DAB2IP: variants seen among roughly 807,000 people sequenced by gnomAD.
DAB2IP encodes the protein DAB2 interacting protein, also known as disabled homolog 2-interacting protein.
In DAB2IP, 28 loss-of-function variants were observed where a neutral mutation model predicts 107.2. The observed-to-expected ratio is 0.26, with a 90% CI of 0.19 to 0.36. DAB2IP has a LOEUF of 0.36. Among genes scored for constraint, DAB2IP ranks in the 10% least tolerant of loss-of-function variants. DAB2IP has a pLI of 1.00. For synonymous variants in DAB2IP, 755 were observed against 706.4 expected (o/e 1.07, Z -1.09); for missense variants, 1,400 against 1,644.7 (o/e 0.85, Z 2.57).
chr9:121,772,877 C>T lies in DAB2IP; in HGVS notation c.2349C>T (p.Ala783=), dbSNP rs377593194. The stretch of plus-strand genomic sequence containing the variant: ...AGGCCGCTGCAGCTCAGCTGGTGGC[C>T]GGGTGGCCGGCCCGGGCAACCCCAG... Residue 783 remains alanine (A), a synonymous_variant, in exon 12 of 16, where the codon GCC becomes GCT. Coordinates refer to ENST00000408936, the Ensembl canonical transcript of DAB2IP. This position sits in a 1 kb window ranked among gnomAD's most constrained non-coding sequence, Gnocchi z 4.7. 533 of 1,582,584 alleles carry T rather than the reference C, an allele frequency of 3.4e-4. No homozygotes were observed. The highest frequency in any genetic ancestry group is 6.9e-4 in the African/African-American group (51 of 74,346).
intron 1 of DAB2IP, among the ~76,000 whole-genome samples, chr9:121,604,749 T>C (rs1830808854): frequency 6.6e-6 from 1 of 152,232 alleles, no homozygotes. Flanking sequence ...GTCCGCTGCC[T>C]GTCCCCCGTG....
chr9:121,644,462 T>G (rs1016467356), intron 1 of DAB2IP, among the ~76,000 whole-genome samples: 3 of 151,312 alleles, frequency 2.0e-5, no homozygotes, highest in Non-Finnish European at 2.9e-5. Context: ...CCAGGCGTGG[T>G]GACACACGCC....
At chr9:121,584,156 C>A (rs565774254) in intron 1 of DAB2IP, among the ~76,000 whole-genome samples, 2 of 151,972 alleles carry the variant, frequency 1.3e-5, no homozygotes, top group Non-Finnish European at 1.5e-5. Flanking sequence ...CCAGCCTGGG[C>A]GACGGAGTGA....
intron 1 of DAB2IP, among the ~76,000 whole-genome samples, chr9:121,618,064 T>G (rs1450854622): frequency 2.0e-5 from 3 of 152,162 alleles, no homozygotes; most frequent in African/African-American, 7.2e-5. Context: ...GCGCTTTAGG[T>G]ACAAGACAGA....
chr9:121,781,792 C>G (rs545230413), intron 15 of DAB2IP, among the ~76,000 whole-genome samples: 24 of 151,672 alleles, frequency 1.6e-4, no homozygotes, highest in Non-Finnish European at 3.2e-4. Flanking sequence ...TTGTCTTTCA[C>G]CAGGACTGCT....
chr9:121,763,358 G>T, intron 6 of DAB2IP, 147 bp from the exon 7 acceptor site: 1 of 1,174,760 alleles, frequency 8.5e-7, no homozygotes, highest in African/African-American at 1.5e-5. Context: ...CCCCAAAGGT[G>T]GGCACACTGT....
At chr9:121,666,901 CACACACACACACACAA>C (rs761039623) in intron 1 of DAB2IP, among the ~76,000 whole-genome samples, 1,945 of 128,772 alleles carry the variant, frequency 0.015, 25 homozygotes, top group Non-Finnish European at 0.024. Flanking sequence ...CACACACACA[CACACACACACACACAA>C]CACTCTTAAA....
chr9:121,637,943 G>A (rs1242730338), intron 1 of DAB2IP, among the ~76,000 whole-genome samples: 2 of 152,162 alleles, frequency 1.3e-5, no homozygotes, highest in Non-Finnish European at 2.9e-5. Context: ...CATGATGCAC[G>A]AGGCCCAGGG....
At chr9:121,721,128 G>A (rs527788790) in intron 3 of DAB2IP, among the ~76,000 whole-genome samples, 95 of 152,300 alleles carry the variant, frequency 6.2e-4, no homozygotes, top group African/African-American at 2.2e-3. Context: ...AGGCAGGAAG[G>A]TGCCAGGATC....
intron 3 of DAB2IP, among the ~76,000 whole-genome samples, chr9:121,744,043 G>A (rs1164405466): frequency 6.6e-6 from 1 of 152,216 alleles, no homozygotes; most frequent in Non-Finnish European, 1.5e-5. Flanking sequence ...CCCCTGTGGT[G>A]TGCTCCGTTG....
chr9:121,656,842 T>C (rs1832991367), intron 1 of DAB2IP, among the ~76,000 whole-genome samples: 1 of 152,132 alleles, frequency 6.6e-6, no homozygotes. Context: ...GCCACACAGC[T>C]CAGAAATGGT....
intron 3 of DAB2IP, among the ~76,000 whole-genome samples, chr9:121,754,401 G>C (rs1833334286): frequency 6.6e-6 from 1 of 152,228 alleles, no homozygotes; most frequent in Admixed American, 6.5e-5. Context: ...GGAGTAGCCT[G>C]GGAGAGCTTG....
intron 1 of DAB2IP, among the ~76,000 whole-genome samples, chr9:121,625,995 G>A (rs952628966): frequency 1.1e-4 from 17 of 152,194 alleles, no homozygotes; most frequent in Non-Finnish European, 5.9e-5. Flanking sequence ...TGGCATTTGC[G>A]TTTGTGATTC....
chr9:121,779,272 T>G (rs1835426643), intron 14 of DAB2IP, among the ~76,000 whole-genome samples: 1 of 152,262 alleles, frequency 6.6e-6, no homozygotes, highest in African/African-American at 2.4e-5. Flanking sequence ...TGCTTTTACT[T>G]CTGTTTTCTG....
intron 1 of DAB2IP, among the ~76,000 whole-genome samples, chr9:121,584,044 G>C (rs1429733287): frequency 6.6e-6 from 1 of 152,120 alleles, no homozygotes; most frequent in East Asian, 1.9e-4. Flanking sequence ...AGGCGTGGTG[G>C]TGCACGCCTG....
In DAB2IP at chr9:121,716,509, T is replaced by C. The variant is rs540412685; in HGVS notation, c.362+17051T>C. ...GGGCTGGTTGCAGAGCCCAGCTCTTTGTCCTGCTCAGGTTCCATTTCCAAA... is the reference window on the plus strand; with the variant it reads ...GGGCTGGTTGCAGAGCCCAGCTCTTCGTCCTGCTCAGGTTCCATTTCCAAA... On this transcript the variant is annotated intron_variant, in intron 3 of 15. Coordinates refer to ENST00000408936, the Ensembl canonical transcript of DAB2IP. Among the ~76,000 whole-genome samples the C allele has an allele frequency of 6.9e-4, 105 of 152,364 alleles. 1 individual carries two copies. The highest frequency in any genetic ancestry group is 5.8e-3 in the South Asian group (28 of 4,828).
chr9:121,657,904 A>G (rs372451324), intron 1 of DAB2IP, among the ~76,000 whole-genome samples: 5 of 152,158 alleles, frequency 3.3e-5, no homozygotes, highest in African/African-American at 7.2e-5. Context: ...TCCCTTGACA[A>G]CTGGGGAAAC....
chr9:121,675,874 T>C (rs1833882026), intron 1 of DAB2IP, among the ~76,000 whole-genome samples: 1 of 152,206 alleles, frequency 6.6e-6, no homozygotes, highest in South Asian at 2.1e-4. Flanking sequence ...GGGTGAGAGA[T>C]GAAGGCAGAC....
chr9:121,636,052 T>C (rs891940089), intron 1 of DAB2IP, among the ~76,000 whole-genome samples: 30 of 152,260 alleles, frequency 2.0e-4, no homozygotes, highest in Admixed American at 1.8e-3. Context: ...TACAGGTACA[T>C]GCCACCATGC....
Sources: gnomAD v4.1 joint callset for allele counts (sites outside exome capture counted in the v4.1 genomes callset) on GRCh38, gnomAD v4.1.1 for gene constraint, Gnocchi (gnomAD v3.1) non-coding constraint, MANE v1.5 for transcripts, NCBI Gene and HGNC (gene_info 2026-07-23, HGNC 2026-07-21) for gene names.